MAP4K4: variants seen among roughly 807,000 people sequenced by gnomAD.
MAP4K4 encodes mitogen-activated protein kinase kinase kinase kinase 4.
In MAP4K4, 38 loss-of-function variants were observed where a neutral mutation model predicts 189.6. That is an observed-to-expected ratio of 0.20 (90% CI 0.15 to 0.26). The LOEUF (loss-of-function observed/expected upper bound fraction) is 0.26. Ranked by LOEUF, MAP4K4 falls within the 10% of genes least tolerant of loss-of-function variation. The probability of loss-of-function intolerance (pLI) is 1.00; values close to 1 mark genes in which losing one functional copy is unlikely to be tolerated. For missense variants in MAP4K4, 1,054 were observed against 1,726.9 expected (o/e 0.61, Z 6.91); for synonymous variants, 610 against 624.3 (o/e 0.98, Z 0.34).
chr2:101,858,003 A>T (rs890973503), intron 13 of MAP4K4, among the ~76,000 whole-genome samples: 1 of 152,184 alleles, frequency 6.6e-6, no homozygotes, highest in Non-Finnish European at 1.5e-5. Flanking sequence ...CCCTGTCCAA[A>T]AAAAGGAAGC....
At chr2:101,760,528 A>ATGTGTGTGTG (rs1445696926) in intron 2 of MAP4K4, among the ~76,000 whole-genome samples, 2 of 108,522 alleles carry the variant, frequency 1.8e-5, no homozygotes, top group African/African-American at 9.3e-5. Flanking sequence ...ATATATGTAT[A>ATGTGTGTGTG]TATGTGTGTG....
chr2:101,720,376 A>G (rs1353515979), intron 2 of MAP4K4, among the ~76,000 whole-genome samples: 1 of 151,880 alleles, frequency 6.6e-6, no homozygotes, highest in Non-Finnish European at 1.5e-5. Flanking sequence ...GGGTTTCACC[A>G]TGTTGGCCAG....
At chr2:101,704,712 A>G (rs1281925205) in intron 2 of MAP4K4, among the ~76,000 whole-genome samples, 7 of 150,808 alleles carry the variant, frequency 4.6e-5, no homozygotes, top group Non-Finnish European at 7.4e-5. Context: ...GGTGCATGCC[A>G]CCAAGCCTGG....
intron 3 of MAP4K4, among the ~76,000 whole-genome samples, chr2:101,803,530 A>G (rs2094596927): frequency 6.6e-6 from 1 of 152,114 alleles, no homozygotes; most frequent in Admixed American, 6.6e-5. Flanking sequence ...TGCCTCCTGA[A>G]TTTAGTTCCA....
intron 23 of MAP4K4, 138 bp downstream of exon 23, chr2:101,870,553 T>C (rs2097959744): frequency 1.6e-6 from 2 of 1,227,454 alleles, no homozygotes; most frequent in South Asian, 1.5e-5. Flanking sequence ...AAGTGTCGAG[T>C]GTCGGGGGCT....
intron 3 of MAP4K4, chr2:101,797,228 A>G (rs1440180864): frequency 6.2e-6 from 8 of 1,289,424 alleles, no homozygotes; most frequent in Non-Finnish European, 8.1e-6. Flanking sequence ...TGTGGGACCT[A>G]TTGTTCTATT....
At chr2:101,768,513 G>A (rs1202820265) in intron 2 of MAP4K4, among the ~76,000 whole-genome samples, 1 of 152,070 alleles carries the variant, frequency 6.6e-6, no homozygotes, top group Admixed American at 6.6e-5. Context: ...TTTTAGTTTT[G>A]TATGCTTTTT....
chr2:101,726,971 C>T (rs548320469), intron 2 of MAP4K4, among the ~76,000 whole-genome samples: 8 of 152,172 alleles, frequency 5.3e-5, no homozygotes, highest in East Asian at 1.9e-4. Context: ...TATCACCTGG[C>T]GAGGGGGGTG....
intron 28 of MAP4K4, among the ~76,000 whole-genome samples, chr2:101,884,612 G>C (rs2098455325): frequency 6.6e-6 from 1 of 152,142 alleles, no homozygotes; most frequent in South Asian, 2.1e-4. Flanking sequence ...GAGTTGCCTG[G>C]CAGTAAGGGC....
chr2:101,764,215 T>G (rs2077629921), intron 2 of MAP4K4, among the ~76,000 whole-genome samples: 1 of 152,182 alleles, frequency 6.6e-6, no homozygotes, highest in African/African-American at 2.4e-5. Context: ...TTATAAAATA[T>G]GAGTGTCAAA....
intron 2 of MAP4K4, among the ~76,000 whole-genome samples, chr2:101,736,801 A>G (rs1396723296): frequency 6.6e-6 from 1 of 152,150 alleles, no homozygotes; most frequent in Non-Finnish European, 1.5e-5. Context: ...TGCTCCTGAC[A>G]CTTGGTACCT....
chr2:101,825,670 T>C (rs550424553), intron 5 of MAP4K4, among the ~76,000 whole-genome samples: 3 of 152,200 alleles, frequency 2.0e-5, no homozygotes, highest in Non-Finnish European at 2.9e-5. Flanking sequence ...TTACTTTCCA[T>C]GGCATCATGA....
chr2:101,775,034 CTTT>C (rs77977516), intron 2 of MAP4K4, among the ~76,000 whole-genome samples: 4 of 129,032 alleles, frequency 3.1e-5, no homozygotes, highest in Non-Finnish European at 5.0e-5. Flanking sequence ...CCTATCCCCT[CTTT>C]TTTTTTTTTT....
At chr2:101,853,722 A>C (rs905428285) in intron 12 of MAP4K4, among the ~76,000 whole-genome samples, 1 of 152,172 alleles carries the variant, frequency 6.6e-6, no homozygotes, top group South Asian at 2.1e-4. Context: ...ATGTGCACAT[A>C]CATACATATA....
At chr2:101,697,764 C>CGGCGCGG (rs969377615) in exon 1 of MAP4K4, 2 of 145,848 alleles carry the variant, frequency 1.4e-5, no homozygotes, top group Non-Finnish European at 3.0e-5. Flanking sequence ...TCGAGGCGCG[C>CGGCGCGG]GGCGCGGGGC....
chr2:101,836,067 G>A (rs1238737455), intron 9 of MAP4K4, 89 bp downstream of exon 9: 1 of 997,022 alleles, frequency 1.0e-6, no homozygotes, highest in African/African-American at 1.6e-5. Flanking sequence ...TAAAATTCTG[G>A]CCCTTCTAAT....
intron 2 of MAP4K4, among the ~76,000 whole-genome samples, chr2:101,703,640 G>A (rs78021321): frequency 2.1e-5 from 3 of 144,532 alleles, no homozygotes; most frequent in South Asian, 2.2e-4. Flanking sequence ...AAAAAAAAAG[G>A]CGGGGGTGGG....
chr2:101,815,176 C>T (rs1356475130), intron 3 of MAP4K4, among the ~76,000 whole-genome samples: 7 of 152,064 alleles, frequency 4.6e-5, no homozygotes, highest in Admixed American at 2.0e-4. Context: ...GACAGTTTTT[C>T]GTATGCGTGA....
At chr2:101,869,470 A>G (rs2097917543) in intron 21 of MAP4K4, among the ~76,000 whole-genome samples, 152 bp from the exon 22 acceptor site, 1 of 151,836 alleles carries the variant, frequency 6.6e-6, no homozygotes, top group Non-Finnish European at 1.5e-5. Context: ...TTTTCTATCA[A>G]AAGCCATAGG....
Sources: gnomAD v4.1 joint callset for allele counts (sites outside exome capture counted in the v4.1 genomes callset) on GRCh38, gnomAD v4.1.1 for gene constraint, MANE v1.5 for transcripts, NCBI Gene and HGNC (gene_info 2026-07-23, HGNC 2026-07-21) for gene names.